Variants in GMFG observed in about 807,000 individuals in gnomAD.
GMFG encodes the protein glia maturation factor gamma.
Under a neutral mutation model 26.1 loss-of-function variants are expected in GMFG, and 21 were observed. The observed-to-expected ratio is 0.80, with a 90% CI of 0.57 to 1.16. The LOEUF (loss-of-function observed/expected upper bound fraction) is 1.16, where lower values mean the gene tolerates loss of function less well. GMFG is among the 50% of genes most tolerant of loss of function. The pLI, the probability that GMFG is intolerant of heterozygous loss-of-function variation, is 0.00. For missense variants in GMFG, 161 were observed against 178.3 expected (o/e 0.90, Z 0.55); for synonymous variants, 65 against 60.8 (o/e 1.07, Z -0.32).
At chr19:39,332,558 C>T (rs1393209355) in intron 4 of GMFG, among the ~76,000 whole-genome samples, 2 of 149,926 alleles carry the variant, frequency 1.3e-5, no homozygotes, top group African/African-American at 2.4e-5. Flanking sequence ...ACTCTTAAAC[C>T]GGTATCATAA....
intron 4 of GMFG, among the ~76,000 whole-genome samples, chr19:39,331,333 A>G (rs539724243): frequency 1.7e-4 from 26 of 152,344 alleles, no homozygotes; most frequent in African/African-American, 6.3e-4. Flanking sequence ...CTGACTTCAT[A>G]CAAAACAGAA....
intron 4 of GMFG, 94 bp downstream of exon 4, chr19:39,332,983 A>C: frequency 1.2e-6 from 1 of 815,810 alleles, no homozygotes; most frequent in Non-Finnish European, 2.1e-6. Flanking sequence ...AAAGTCCATG[A>C]ATAGGGCTGG....
Position 39,330,619 on chromosome 19 carries a change from C to T in GMFG, c.201-993G>A, listed in dbSNP as rs964919873. Among the ~76,000 whole-genome samples, 3 of 141,878 alleles carry T rather than the reference C, an allele frequency of 2.1e-5. No individual in the cohort carries two copies. The East Asian group carries it at 6.1e-4, about 29-fold the overall frequency. 93.1% of individuals were successfully genotyped at this position (141,878 alleles called of 152,430 possible). A position where few individuals can be genotyped will look rare whatever the true frequency, so the allele number is the denominator to read the frequency against. ...AATTTTTTTTTTTTTTTTTTTGAGA[C>T]AGGGTCTCACTTTGTCACCCAGGTT... On this transcript the variant is annotated intron_variant, in intron 4 of 6. Transcript: ENST00000597595.
chr19:39,329,844 C>T (rs755160886), intron 4 of GMFG, among the ~76,000 whole-genome samples: 15 of 152,030 alleles, frequency 9.9e-5, no homozygotes, highest in Admixed American at 5.3e-4. Flanking sequence ...TTTGGGAGGC[C>T]GAGGCGGGTG....
rs771944837 is a variant in GMFG at position 39,329,077 on chromosome 19, C to A, written c.284-4G>T. 1 of 1,609,970 alleles carries A rather than the reference C, an allele frequency of 6.2e-7. No individual in the cohort carries two copies. Among genetic ancestry groups the A allele is most frequent in the Non-Finnish European group, 8.5e-7 (1 of 1,176,284 alleles). On this transcript the variant is annotated splice_polypyrimidine_tract_variant and splice_region_variant and intron_variant, in intron 5 of 6. Transcript: ENST00000597595. ...ATCTGTTGTTCCGGCTTGCAGCCTG[C>A]GTGGAAAAGAGGAGAAAGGCACATC...
Position 39,329,537 on chromosome 19 carries a change from G to A in GMFG, c.283+7C>T. ...CCTCTCCTGAGGACAGTAGAGCTGT[G>A]TCTCACCCACAGGGCTGGAGAAGAT... is the stretch of plus-strand genomic sequence containing the variant. On this transcript the variant is annotated splice_region_variant and intron_variant, in intron 5 of 6. Coordinates refer to ENST00000597595, the MANE Select transcript of GMFG (RefSeq NM_004877.4). 1.3e-6 allele frequency: 2 copies of A among 1,544,034 alleles called. No individual in the cohort carries two copies. The highest frequency in any genetic ancestry group is 9.0e-7 in the Non-Finnish European group (1 of 1,116,288).
chr19:39,335,955 A>G lies in GMFG; in HGVS notation c.3+19T>C. On this transcript the variant is annotated intron_variant, in intron 1 of 6. Coordinates refer to ENST00000597595, the MANE Select transcript of GMFG (RefSeq NM_004877.4). ...CAACCCCAGCCCCAGCTCTTCCCAT[A>G]GAACCCCTGGCCCCTGACCATGATT... is the stretch of plus-strand genomic sequence containing the variant. 1 of 1,553,814 alleles carries G rather than the reference A, an allele frequency of 6.4e-7. No homozygotes were observed.
Position 39,336,005 on chromosome 19 carries a change from T to A in GMFG, c.-29A>T. The A allele has an allele frequency of 1.3e-6, 2 of 1,598,098 alleles. No homozygotes were observed. Among genetic ancestry groups the A allele is most frequent in the Non-Finnish European group, 1.7e-6 (2 of 1,165,652 alleles). The stretch of plus-strand genomic sequence containing the variant: ...TGTTCTGTCCACAGGCCTCTTCTTT[T>A]CTTAGTTCCGCTGTCTTCTAGGCGT... On this transcript the variant is annotated 5_prime_UTR_variant, in exon 1 of 7. Coordinates refer to ENST00000597595, the MANE Select transcript of GMFG (RefSeq NM_004877.4).
chr19:39,332,080 C>T (rs1389514998), intron 4 of GMFG, among the ~76,000 whole-genome samples: 2 of 151,606 alleles, frequency 1.3e-5, no homozygotes, highest in South Asian at 2.1e-4. Flanking sequence ...CGGTGGCTCA[C>T]GCCTGTAATC....
chr19:39,335,321 G>GTGGCACA lies in GMFG; in HGVS notation c.101-18_101-12dup. On this transcript the variant is annotated splice_polypyrimidine_tract_variant and intron_variant, in intron 2 of 6. Transcript: ENST00000597595. ...CTTTGTCCACCTTCACTGGGGAGGG[G>GTGGCACA]TGGCACACAGGGATTAGACACTCCC... is the stretch of plus-strand genomic sequence containing the variant. The GTGGCACA allele has an allele frequency of 6.3e-7, 1 of 1,582,228 alleles. No homozygotes were observed. Among genetic ancestry groups the GTGGCACA allele is most frequent in the Non-Finnish European group, 8.6e-7 (1 of 1,161,794 alleles).
At chr19:39,329,162 G>T (rs28668750) in intron 5 of GMFG, 89 bp from the exon 6 acceptor site, 113,203 of 876,712 alleles carry the variant, frequency 0.13, 9,841 homozygotes, top group African/African-American at 0.39. Context: ...CCTGCAGCTT[G>T]CCAAGGGTCC....
At chr19:39,334,773 GAC>G (rs1288407409) in intron 3 of GMFG, among the ~76,000 whole-genome samples, 2 of 152,206 alleles carry the variant, frequency 1.3e-5, no homozygotes, top group African/African-American at 4.8e-5. Flanking sequence ...AGGAAATAGA[GAC>G]ACAAACAGGC....
rs537520437 is a variant in GMFG at position 39,332,289 on chromosome 19, C to T, written c.200+788G>A. ...AGGTTGCAGTGAGTCAAGATCGCGC[C>T]ACTGCACTCCAACCTGGGCAACAGA... On this transcript the variant is annotated intron_variant, in intron 4 of 6. Transcript: ENST00000597595. Among the ~76,000 whole-genome samples the T allele has an allele frequency of 5.8e-4, 87 of 150,872 alleles. 1 individual carries two copies. The East Asian group carries it at 0.017, about 29-fold the overall frequency.
intron 3 of GMFG, among the ~76,000 whole-genome samples, chr19:39,334,083 C>A (rs1477387054): frequency 7.8e-6 from 1 of 127,424 alleles, no homozygotes; most frequent in African/African-American, 3.0e-5. Flanking sequence ...GTGGCACGAT[C>A]TTGGCTCACT....
intron 4 of GMFG, among the ~76,000 whole-genome samples, chr19:39,330,148 C>T (rs988587613): frequency 1.2e-4 from 18 of 152,120 alleles, no homozygotes; most frequent in Non-Finnish European, 2.4e-4. Context: ...CTATTAATAT[C>T]CCCATCGTAC....
chr19:39,333,000 A>T, intron 4 of GMFG, 77 bp downstream of exon 4: 3 of 964,632 alleles, frequency 3.1e-6, no homozygotes, highest in Non-Finnish European at 4.9e-6. Flanking sequence ...CTGGAACTCC[A>T]GCAGTCCCTT....
In GMFG at chr19:39,328,534, G is replaced by T; in HGVS notation, c.372C>A (p.Arg124=). The change falls in exon 7 of 7, where the codon CGC becomes CGA. Residue 124 remains arginine, a synonymous_variant. Transcript: ENST00000597595. ...TAELTKVFEI[R]TTDDLTEAWL... is the part of the protein sequence containing the mutation. ...AGGCCTCAGTGAGGTCATCAGTGGT[G>T]CGGATTTCGAACACCTGGGCAGAGA... The T allele has an allele frequency of 6.2e-7, 1 of 1,612,432 alleles. No individual in the cohort carries two copies. Among genetic ancestry groups the T allele is most frequent in the Non-Finnish European group, 8.5e-7 (1 of 1,178,582 alleles).
intron 1 of GMFG, 82 bp from the exon 2 acceptor site, chr19:39,335,613 A>C: frequency 6.4e-6 from 6 of 935,920 alleles, no homozygotes; most frequent in Middle Eastern, 2.2e-4. Context: ...CCATCCACTA[A>C]TGAAGAGGAG....
chr19:39,332,847 C>T (rs1015416104), intron 4 of GMFG: 15 of 306,220 alleles, frequency 4.9e-5, no homozygotes, highest in South Asian at 2.5e-4. Flanking sequence ...TTAGTAGAGA[C>T]GGGATTTCAC....
Sources: allele counts gnomAD v4.1 joint callset (sites outside exome capture counted in the v4.1 genomes callset), GRCh38; gene constraint gnomAD v4.1.1; transcripts MANE v1.5; gene names NCBI Gene and HGNC (gene_info 2026-07-23, HGNC 2026-07-21).